PRKG1: variants seen among roughly 807,000 people sequenced by gnomAD.
PRKG1 encodes the protein protein kinase cGMP-dependent 1, also known as cGMP-dependent protein kinase 1.
PRKG1 carries 35 observed loss-of-function variants against 88.1 expected under a neutral mutation model. That is an observed-to-expected ratio of 0.40 (90% CI 0.30 to 0.53). PRKG1 has a LOEUF of 0.53. PRKG1 is among the 20% of genes least tolerant of loss of function. PRKG1 has a pLI of 0.59. For missense variants in PRKG1, 540 were observed against 839.8 expected (o/e 0.64, Z 4.41); for synonymous variants, 303 against 292.5 (o/e 1.04, Z -0.37).
intron 1 of PRKG1, among the ~76,000 whole-genome samples, chr10:51,091,368 T>C (rs898058865): frequency 1.3e-5 from 2 of 152,170 alleles, no homozygotes; most frequent in Non-Finnish European, 1.5e-5. Flanking sequence ...TGGAACCCAA[T>C]TGCAGTCAGT....
At chr10:51,682,285 G>A (rs908583936) in intron 3 of PRKG1, among the ~76,000 whole-genome samples, 5 of 152,138 alleles carry the variant, frequency 3.3e-5, no homozygotes, top group South Asian at 2.1e-4. Context: ...AAAGAAATAC[G>A]AGGAAAGTGG....
At chr10:51,680,781 C>G (rs561946755) in intron 3 of PRKG1, among the ~76,000 whole-genome samples, 2 of 152,284 alleles carry the variant, frequency 1.3e-5, no homozygotes, top group South Asian at 4.1e-4. Flanking sequence ...GGAACTGGGA[C>G]AAAGTAGATA....
At chr10:52,271,640 C>T in intron 11 of PRKG1, 151 bp downstream of exon 11, 1 of 886,548 alleles carries the variant, frequency 1.1e-6, no homozygotes, top group Non-Finnish European at 1.6e-6. Context: ...TGTTTGATTT[C>T]TAAAAATAAA....
chr10:51,003,959 G>T (rs189184595), intron 1 of PRKG1, among the ~76,000 whole-genome samples: 41 of 152,210 alleles, frequency 2.7e-4, no homozygotes, highest in African/African-American at 8.4e-4. Context: ...TATTGATACT[G>T]ATATTTTGGC....
chr10:51,908,609 G>A (rs1157185131), intron 5 of PRKG1: 1 of 151,478 alleles, frequency 6.6e-6, no homozygotes, highest in Non-Finnish European at 1.5e-5. Context: ...AATAAATAAA[G>A]AAGCTGCTAC....
chr10:52,259,567 T>C (rs1271730940), intron 10 of PRKG1, among the ~76,000 whole-genome samples: 1 of 152,068 alleles, frequency 6.6e-6, no homozygotes, highest in African/African-American at 2.4e-5. Flanking sequence ...GTATTCCCCA[T>C]TGTCATTGAC....
intron 2 of PRKG1, among the ~76,000 whole-genome samples, chr10:51,340,890 G>A (rs553341931): frequency 6.3e-4 from 96 of 152,206 alleles, no homozygotes; most frequent in Non-Finnish European, 1.2e-3. Flanking sequence ...ATATTAAAAA[G>A]ATTAAAAACC....
At chr10:52,193,486 T>C (rs1431815243) in intron 9 of PRKG1, among the ~76,000 whole-genome samples, 1 of 144,190 alleles carries the variant, frequency 6.9e-6, no homozygotes, top group East Asian at 2.0e-4. Context: ...AGGTGGAGGT[T>C]GCAGTGAGCT....
chr10:51,225,299 T>C (rs1838662569), intron 2 of PRKG1, among the ~76,000 whole-genome samples: 1 of 152,190 alleles, frequency 6.6e-6, no homozygotes, highest in Non-Finnish European at 1.5e-5. Flanking sequence ...ATGAGGGATC[T>C]ACCCTTACTT....
chr10:51,605,879 T>A (rs1838751470), intron 3 of PRKG1, among the ~76,000 whole-genome samples: 1 of 152,178 alleles, frequency 6.6e-6, no homozygotes, highest in Non-Finnish European at 1.5e-5. Context: ...CAGTTTTTTA[T>A]CCTGGACAAA....
In PRKG1 at chr10:51,539,505, C is replaced by G. The variant is rs79616280; in HGVS notation, c.592+71669C>G. The stretch of plus-strand genomic sequence containing the variant: ...TCTCAGTTAGTGCAAAACACTGATA[C>G]ATCTCTGGGAAGCATTTGGAGCTAT... On this transcript the variant is annotated intron_variant, in intron 3 of 17. Coordinates refer to ENST00000373980, the MANE Select transcript of PRKG1 (RefSeq NM_006258.4). Among the ~76,000 whole-genome samples the G allele has an allele frequency of 5.3e-4, 80 of 152,298 alleles. 1 individual carries two copies. Among genetic ancestry groups the G allele is most frequent in the Non-Finnish European group, 9.4e-4 (64 of 68,000 alleles).
At chr10:51,011,197 G>C (rs1250392615) in intron 1 of PRKG1, among the ~76,000 whole-genome samples, 1 of 151,700 alleles carries the variant, frequency 6.6e-6, no homozygotes, top group Non-Finnish European at 1.5e-5. Context: ...ATTATTTGTT[G>C]TGTGTGTGTG....
intron 5 of PRKG1, among the ~76,000 whole-genome samples, chr10:52,016,297 C>CT (rs1845037910): frequency 6.6e-6 from 1 of 152,132 alleles, no homozygotes; most frequent in African/African-American, 2.4e-5. Flanking sequence ...GGAATCAAGA[C>CT]GTTTTTTATA....
intron 5 of PRKG1, among the ~76,000 whole-genome samples, chr10:51,982,665 G>T (rs1844040007): frequency 6.6e-6 from 1 of 152,138 alleles, no homozygotes; most frequent in African/African-American, 2.4e-5. Context: ...GTCTCCTTGA[G>T]ATTAGGAATC....
At chr10:51,697,969 CCCT>C (rs753602859) in intron 3 of PRKG1, 2 of 1,602,648 alleles carry the variant, frequency 1.2e-6, no homozygotes, top group Non-Finnish European at 1.7e-6. Flanking sequence ...CCCCCTGCAT[CCCT>C]CCTCCTTGTA....
chr10:51,137,164 C>T (rs1487428295), intron 1 of PRKG1, among the ~76,000 whole-genome samples: 1 of 151,996 alleles, frequency 6.6e-6, no homozygotes, highest in Non-Finnish European at 1.5e-5. Context: ...GGATTACAGG[C>T]GTGAGTACCG....
intron 9 of PRKG1, among the ~76,000 whole-genome samples, chr10:52,197,480 A>G (rs187682368): frequency 6.6e-6 from 1 of 152,338 alleles, no homozygotes; most frequent in East Asian, 1.9e-4. Flanking sequence ...AACAAGCTTC[A>G]TCTGGTATAA....
chr10:52,175,469 C>T (rs1367821558), intron 9 of PRKG1, among the ~76,000 whole-genome samples: 2 of 152,008 alleles, frequency 1.3e-5, no homozygotes, highest in African/African-American at 4.8e-5. Flanking sequence ...AGACAGATGT[C>T]TCTTCAATAT....
chr10:52,244,887 ATAC>A (rs1482789903), intron 9 of PRKG1, among the ~76,000 whole-genome samples: 1 of 102,132 alleles, frequency 9.8e-6, no homozygotes, highest in East Asian at 2.7e-4. Context: ...TATTTAAATA[ATAC>A]TTTTTTAATA....
Sources: allele counts gnomAD v4.1 joint callset (sites outside exome capture counted in the v4.1 genomes callset), GRCh38; gene constraint gnomAD v4.1.1; transcripts MANE v1.5; gene names NCBI Gene and HGNC (gene_info 2026-07-23, HGNC 2026-07-21).